The following RFX1 variants were observed in gnomAD, a reference collection of about 807,000 sequenced individuals.
The protein encoded by RFX1 is regulatory factor X1, also known as MHC class II regulatory factor RFX1.
In RFX1, 42 loss-of-function variants were observed where a neutral mutation model predicts 119.6. That is an observed-to-expected ratio of 0.35 (90% CI 0.27 to 0.45). The LOEUF (loss-of-function observed/expected upper bound fraction) is 0.45, where lower values mean the gene tolerates loss of function less well. RFX1 is among the 20% of genes least tolerant of loss of function. RFX1 has a pLI of 1.00. For synonymous variants in RFX1, 628 were observed against 618.5 expected (o/e 1.02, Z -0.23); for missense variants, 1,118 against 1,368.1 (o/e 0.82, Z 2.88).
In RFX1 at chr19:13,973,020, G is replaced by A. The variant is rs760796567; in HGVS notation, c.1037C>T (p.Thr346Ile). 30 of 1,601,068 alleles carry A rather than the reference G, an allele frequency of 1.9e-5. No individual in the cohort carries two copies. Among genetic ancestry groups the A allele is most frequent in the Non-Finnish European group, 2.5e-5 (30 of 1,179,812 alleles). ...GTATQVSTPA[T>I]SQAVASSGSM... ...GCCACTGCTGGCCACCGCCTGGGAG[G>A]TGGCGGGGGTGCTGACCTGGGTGGC... The change falls in exon 9 of 21, where the codon ACC becomes ATC. Residue 346 changes from threonine (T) to isoleucine (I), a missense_variant. Around this residue, in one of 5 missense-constraint regions of RFX1, gnomAD observed 542 missense variants for 602.7 expected, o/e 0.90. Transcript: ENST00000254325.
At chr19:13,987,564 G>A (rs1974645662) in intron 2 of RFX1, among the ~76,000 whole-genome samples, 1 of 152,092 alleles carries the variant, frequency 6.6e-6, no homozygotes, top group African/African-American at 2.4e-5. Flanking sequence ...CGGCGCTCAC[G>A]TGGCCCCGGC....
At position 13,968,927 on chromosome 19, in the gene RFX1, G is replaced by T. The variant is rs1171780808; in HGVS notation, c.1497-33C>A. The T allele has an allele frequency of 6.5e-7, 1 of 1,540,818 alleles. No individual in the cohort carries two copies. Among genetic ancestry groups the T allele is most frequent in the Non-Finnish European group, 8.7e-7 (1 of 1,144,392 alleles). On this transcript the variant is annotated intron_variant, in intron 10 of 20. Transcript: ENST00000254325. This position sits in a 1 kb window ranked among gnomAD's most constrained non-coding sequence, Gnocchi z 5.5. ...GGAGGTGGAGGGGAAGGGCTGGGCT[G>T]GGGGTCTGCCGGCTGGCCGGCCATG...
Position 13,980,869 on chromosome 19 carries a change from T to C in RFX1, c.622-180A>G, listed in dbSNP as rs1364589869. Among the ~76,000 whole-genome samples, 1 of 152,162 alleles carries C rather than the reference T, an allele frequency of 6.6e-6. No individual in the cohort carries two copies. The highest frequency in any genetic ancestry group is 2.4e-5 in the African/African-American group (1 of 41,440). ...CCCACGCATCCAAATGCCTACTCCC[T>C]GCAACAGTCCCAGTCAACTCCCAGC... On this transcript the variant is annotated intron_variant, in intron 5 of 20. Coordinates refer to ENST00000254325, the MANE Select transcript of RFX1 (RefSeq NM_002918.5). The surrounding 1 kb of genome is among the most constrained non-coding windows in gnomAD (Gnocchi z 5.1).
intron 2 of RFX1, among the ~76,000 whole-genome samples, chr19:13,988,150 C>T (rs1035582156): frequency 3.3e-5 from 5 of 152,062 alleles, no homozygotes; most frequent in African/African-American, 1.2e-4. Flanking sequence ...CCCCAGCCTC[C>T]CCAGTAGCTG....
Position 13,990,937 on chromosome 19 carries a change from C to T in RFX1, c.319+2588G>A, listed in dbSNP as rs1480711173. On this transcript the variant is annotated intron_variant, in intron 2 of 20. Transcript: ENST00000254325. The surrounding 1 kb of genome is among the most constrained non-coding windows in gnomAD (Gnocchi z 4.1). ...GAGGTTACAGTGAGCCATGATTGCA[C>T]CATTGCACTCCAGCCTGGGCGACAG... Among the ~76,000 whole-genome samples, 2 of 152,094 alleles carry T rather than the reference C, an allele frequency of 1.3e-5. No homozygotes were observed. The highest frequency in any genetic ancestry group is 2.9e-5 in the Non-Finnish European group (2 of 68,014).
At chr19:14,005,043 G>A (rs1216115523) in intron 1 of RFX1, among the ~76,000 whole-genome samples, 2 of 152,114 alleles carry the variant, frequency 1.3e-5, no homozygotes, top group Non-Finnish European at 2.9e-5. Flanking sequence ...CAAGAGAAGC[G>A]GGTTTAAAAA....
intron 7 of RFX1, 82 bp from the exon 8 acceptor site, chr19:13,978,168 A>C: frequency 9.8e-7 from 1 of 1,025,630 alleles, no homozygotes; most frequent in South Asian, 1.4e-5. Flanking sequence ...GTGCCCACCC[A>C]GGCTATCCCT....
Position 13,983,262 on chromosome 19 carries a change from C to T in RFX1, c.438G>A (p.Leu146=), listed in dbSNP as rs373814745. ...GCTTGGCCTGCACGCTCGTCTGGACCAGCAGCCGCTGTGGAGACAAGGCAG... is the reference window on the plus strand; with the variant it reads ...GCTTGGCCTGCACGCTCGTCTGGACTAGCAGCCGCTGTGGAGACAAGGCAG... The part of the protein sequence containing the change: ...QQVQGTQQRL[L]VQTSVQAKPG... The change falls in exon 4 of 21, where the codon CTG becomes CTA. Residue 146 remains leucine, a synonymous_variant. Coordinates refer to ENST00000254325, the MANE Select transcript of RFX1 (RefSeq NM_002918.5). 1.2e-4 allele frequency: 190 copies of T among 1,557,702 alleles called. 1 individual carries two copies. The highest frequency in any genetic ancestry group is 1.5e-4 in the Non-Finnish European group (174 of 1,156,548).
Position 13,962,850 on chromosome 19 carries a change from C to T in RFX1, c.2785G>A (p.Glu929Lys), listed in dbSNP as rs1342824790. 3 of 1,527,880 alleles carry T rather than the reference C, an allele frequency of 2.0e-6. No homozygotes were observed. Among genetic ancestry groups the T allele is most frequent in the Non-Finnish European group, 2.6e-6 (3 of 1,139,320 alleles). The allele number at this position is 1,527,880 out of a possible 1,614,324, so 94.6% of individuals were successfully genotyped here. The stretch of plus-strand genomic sequence containing the variant: ...AGCTCGTCCTCGCTCTCCTCCTCCT[C>T]TTCTTCCTCCTCGTCTGGAACACAG... Reference protein sequence around the residue: ...LDPDKDEEEEEEEESEDELPQ... With the variant: ...LDPDKDEEEEKEEESEDELPQ... The change falls in exon 21 of 21, where the codon GAG becomes AAG. Residue 929 changes from glutamate (E) to lysine (K), a missense_variant. Physicochemically the swap from Glu to Lys is moderately conservative, Grantham distance 56. Coordinates refer to ENST00000254325, the MANE Select transcript of RFX1 (RefSeq NM_002918.5).
rs904800835 is a variant in RFX1, at chr19:13,962,520, C to G, written c.*175G>C. The G allele has an allele frequency of 1.7e-6, 1 of 586,514 alleles. No homozygotes were observed. The highest frequency in any genetic ancestry group is 3.6e-5 in the Admixed American group (1 of 27,814). The allele number at this position is 586,514 out of a possible 1,614,324, so 36.3% of individuals were successfully genotyped here. A position where few individuals can be genotyped will look rare whatever the true frequency, so the allele number is the denominator to read the frequency against. ...TCAGAGTTTGCAGCTGCGGCTCCGC[C>G]CAGCCCACTGATTGTGCCGGCCCCA... On this transcript the variant is annotated 3_prime_UTR_variant, in exon 21 of 21. Coordinates refer to ENST00000254325, the MANE Select transcript of RFX1 (RefSeq NM_002918.5).
chr19:13,984,516 G>GT (rs1175365062), intron 2 of RFX1, among the ~76,000 whole-genome samples: 2 of 152,298 alleles, frequency 1.3e-5, no homozygotes, highest in Admixed American at 1.3e-4. Flanking sequence ...ACATCTTGCT[G>GT]AGTGATTAGC....
intron 2 of RFX1, among the ~76,000 whole-genome samples, chr19:13,988,896 C>T (rs1974705007): frequency 6.6e-6 from 1 of 152,062 alleles, no homozygotes; most frequent in Non-Finnish European, 1.5e-5. Context: ...GTGGTGCGCC[C>T]CTGTAATCCC....
Position 13,979,511 on chromosome 19 carries a change from G to A in RFX1, c.770C>T (p.Pro257Leu). 1 of 1,604,602 alleles carries A rather than the reference G, an allele frequency of 6.2e-7. No homozygotes were observed. The highest frequency in any genetic ancestry group is 8.5e-7 in the Non-Finnish European group (1 of 1,174,826). Residue 257 changes from proline to leucine, a missense_variant, in exon 7 of 21, where the codon CCC (proline) becomes CTC (leucine). Physicochemically the swap from Pro to Leu is moderately conservative, Grantham distance 98 (BLOSUM62 -3). Transcript: ENST00000254325. ...RSVVQATPQA[P>L]KPGPVQPLTV... ...CAGCGGCTGCACCGGGCCGGGTTTG[G>A]GCGCTTGTGGAGTGGCCTGGACCAC...
At position 13,968,983 on chromosome 19, in the gene RFX1, T is replaced by A; in HGVS notation, c.1497-89A>T. The A allele has an allele frequency of 7.1e-7, 1 of 1,399,558 alleles. No homozygotes were observed. Among genetic ancestry groups the A allele is most frequent in the Non-Finnish European group, 9.7e-7 (1 of 1,036,242 alleles). 86.7% of individuals were successfully genotyped at this position (1,399,558 alleles called of 1,614,324 possible). A position where few individuals can be genotyped will look rare whatever the true frequency, so the allele number is the denominator to read the frequency against. ...CCTCACAGCACACCCGTCTCCTCTC[T>A]GTTAGGAGAATGGATAGAGAGACGC... On this transcript the variant is annotated intron_variant, in intron 10 of 20. Coordinates refer to ENST00000254325, the MANE Select transcript of RFX1 (RefSeq NM_002918.5). This position sits in a 1 kb window ranked among gnomAD's most constrained non-coding sequence, Gnocchi z 5.5.
Position 13,980,683 on chromosome 19 carries a change from G to T in RFX1, c.628C>A (p.Pro210Thr). The T allele has an allele frequency of 6.5e-7, 1 of 1,545,572 alleles. No individual in the cohort carries two copies. Among genetic ancestry groups the T allele is most frequent in the Non-Finnish European group, 8.8e-7 (1 of 1,141,900 alleles). ...CTGGAAGAGCTGTTGGCCTGCACCGGCGACTGCTGTAAGGGAAGGAGACAC... is the reference window on the plus strand; with the variant it reads ...CTGGAAGAGCTGTTGGCCTGCACCGTCGACTGCTGTAAGGGAAGGAGACAC... ...QQVHSPPEQS[P>T]VQANSSSSKT... Residue 210 changes from proline (P) to threonine (T), a missense_variant, in exon 6 of 21, where the codon CCG becomes ACG. Pro to Thr is a conservative substitution (Grantham distance 38). This residue lies in a region of RFX1 where 542 missense variants were observed against 602.7 expected (regional missense o/e 0.90). Transcript: ENST00000254325. This position sits in a 1 kb window ranked among gnomAD's most constrained non-coding sequence, Gnocchi z 5.1.
intron 2 of RFX1, among the ~76,000 whole-genome samples, chr19:13,989,722 G>A (rs117010878): frequency 3.1e-4 from 47 of 152,330 alleles, no homozygotes; most frequent in Non-Finnish European, 5.6e-4. Flanking sequence ...GGAACCACCT[G>A]GCTTGGAGCC....
rs991818627 is a variant in RFX1 at position 13,965,380 on chromosome 19, C to G, written c.2211+69G>C. On this transcript the variant is annotated intron_variant, in intron 16 of 20. Transcript: ENST00000254325. The surrounding 1 kb of genome is among the most constrained non-coding windows in gnomAD (Gnocchi z 4.7). ...AGGCGTGGGGACAAATTTTACCGCCCCTGGGGAGCAGAGGAGACGGAGGCC... is the reference window on the plus strand; with the variant it reads ...AGGCGTGGGGACAAATTTTACCGCCGCTGGGGAGCAGAGGAGACGGAGGCC... 8 of 1,410,606 alleles carry G rather than the reference C, an allele frequency of 5.7e-6. No homozygotes were observed. In the African/African-American group the frequency reaches 9.9e-5, roughly 17 times the overall value. 87.4% of individuals were successfully genotyped at this position (1,410,606 alleles called of 1,614,324 possible).
At chr19:13,976,015 G>A (rs907106423) in intron 8 of RFX1, among the ~76,000 whole-genome samples, 7 of 152,268 alleles carry the variant, frequency 4.6e-5, no homozygotes, top group African/African-American at 1.7e-4. Context: ...AGGAGAGACA[G>A]GAGAGACGCT....
chr19:13,999,187 A>G (rs943897117), intron 1 of RFX1, among the ~76,000 whole-genome samples: 12 of 152,208 alleles, frequency 7.9e-5, no homozygotes, highest in African/African-American at 2.9e-4. Context: ...GGTATTGCCC[A>G]TATATTTGAG....
Sources: gnomAD v4.1 joint callset for allele counts (sites outside exome capture counted in the v4.1 genomes callset) on GRCh38, gnomAD v4.1.1 for gene constraint, gnomAD v4.1.1 regional missense constraint, Gnocchi (gnomAD v3.1) non-coding constraint, MANE v1.5 for transcripts, NCBI Gene and HGNC (gene_info 2026-07-23, HGNC 2026-07-21) for gene names.